The following SAMD12 variants were observed in gnomAD, a reference collection of about 807,000 sequenced individuals.
SAMD12 encodes sterile alpha motif domain containing 12.
SAMD12 carries 9 observed loss-of-function variants against 15.0 expected under a neutral mutation model. The observed-to-expected ratio is 0.60, with a 90% CI of 0.36 to 1.05. The LOEUF is 1.05. SAMD12 is among the 50% of genes least tolerant of loss of function. The pLI, the probability that SAMD12 is intolerant of heterozygous loss-of-function variation, is 0.01. For missense variants in SAMD12, 230 were observed against 234.2 expected, an observed-to-expected ratio of 0.98 and a Z score of 0.12; for synonymous variants, 86 against 90.1, an observed-to-expected ratio of 0.96 and a Z score of 0.25.
intron 4 of SAMD12, among the ~76,000 whole-genome samples, chr8:118,331,953 T>G (rs1256926637): frequency 2.0e-5 from 3 of 152,168 alleles, no homozygotes; most frequent in African/African-American, 7.2e-5. Flanking sequence ...ATTTTAAACA[T>G]GTATTAATAT....
intron 2 of SAMD12, among the ~76,000 whole-genome samples, chr8:118,545,759 T>C (rs1218360922): frequency 6.6e-6 from 1 of 152,148 alleles, no homozygotes. Context: ...TTCGGAAATG[T>C]TAAAAGGTTT....
chr8:118,510,733 C>T (rs1336300755), intron 2 of SAMD12, among the ~76,000 whole-genome samples: 1 of 152,152 alleles, frequency 6.6e-6, no homozygotes, highest in Non-Finnish European at 1.5e-5. Flanking sequence ...ATGCCCAGTA[C>T]CTCTCTACCC....
chr8:118,465,454 T>A (rs1042503888), intron 2 of SAMD12, among the ~76,000 whole-genome samples: 7 of 152,208 alleles, frequency 4.6e-5, no homozygotes, highest in Admixed American at 2.6e-4. Context: ...GTTCTCATTT[T>A]AAATCAATAA....
intron 4 of SAMD12, among the ~76,000 whole-genome samples, chr8:118,309,186 C>A (rs920486765): frequency 6.6e-6 from 1 of 152,166 alleles, no homozygotes; most frequent in African/African-American, 2.4e-5. Flanking sequence ...TTGTATTATT[C>A]TTCTGCCTTT....
intron 4 of SAMD12, among the ~76,000 whole-genome samples, chr8:118,219,879 G>A (rs902798601): frequency 1.3e-5 from 2 of 152,182 alleles, no homozygotes; most frequent in Non-Finnish European, 2.9e-5. Context: ...CTGCCCCAAC[G>A]TGCAACTCTC....
chr8:118,132,676 A>G, the SAMD12 span, among the ~76,000 whole-genome samples: 2 of 152,050 alleles, frequency 1.3e-5, no homozygotes, highest in Non-Finnish European at 2.9e-5. Flanking sequence ...AAGCCACAGC[A>G]ACACCTGCTG....
At chr8:118,293,868 C>T (rs771026295) in intron 4 of SAMD12, among the ~76,000 whole-genome samples, 6 of 152,120 alleles carry the variant, frequency 3.9e-5, no homozygotes, top group Non-Finnish European at 2.9e-5. Context: ...GGTTGGAATG[C>T]CAGTGGGAAA....
intron 3 of SAMD12, among the ~76,000 whole-genome samples, chr8:118,384,672 C>T (rs1401630835): frequency 6.6e-6 from 1 of 152,164 alleles, no homozygotes; most frequent in Non-Finnish European, 1.5e-5. Flanking sequence ...ATCCTGGTAG[C>T]ATTACTGCTA....
At position 118,469,539 on chromosome 8, in the gene SAMD12, A is replaced by AATATATAATATATATAATATATAT. The variant is rs1563879257; in HGVS notation, c.193-29579_193-29578insATATATATTATATATATTATATAT. On this transcript the variant is annotated intron_variant, in intron 2 of 3. Coordinates refer to ENST00000314727, the MANE Select transcript of SAMD12 (RefSeq NM_207506.3). ...ATAATATATATAATATATTATATAT[A>AATATATAATATATATAATATATAT]TTATATTATTATATATAATATATTA... Among the ~76,000 whole-genome samples, 4 of 2,678 alleles carry AATATATAATATATATAATATATAT rather than the reference A, an allele frequency of 1.5e-3. 1 individual carries two copies. The highest frequency in any genetic ancestry group is 2.9e-3 in the African/African-American group (4 of 1,364). The allele number at this position is 2,678 out of a possible 152,430, so 1.8% of individuals were successfully genotyped here.
At chr8:118,450,032 G>A (rs1823032033) in intron 2 of SAMD12, among the ~76,000 whole-genome samples, 1 of 152,162 alleles carries the variant, frequency 6.6e-6, no homozygotes, top group African/African-American at 2.4e-5. Flanking sequence ...GGACAGTCAT[G>A]TACAAGGTGT....
At chr8:118,262,908 G>A (rs1360833038) in intron 4 of SAMD12, among the ~76,000 whole-genome samples, 1 of 152,050 alleles carries the variant, frequency 6.6e-6, no homozygotes, top group Non-Finnish European at 1.5e-5. Context: ...TTTAACCCAA[G>A]ATTAGACATA....
At position 118,321,842 on chromosome 8, in the gene SAMD12, T is replaced by C. The variant is rs576826031; in HGVS notation, c.433+57718A>G. 6.5e-4 allele frequency among the ~76,000 whole-genome samples: 99 copies of C among 152,304 alleles called. No homozygotes were observed. In the South Asian group the frequency reaches 0.02, roughly 31 times the overall value. On this transcript the variant is annotated intron_variant, in intron 4 of 4. Transcript: ENST00000409003. Reference sequence around the variant, plus strand: ...CTTCTCTGTAAAATGAGGATGATAATAATAAGCCCTCTCACAGGTAATTGT... The same window carrying C: ...CTTCTCTGTAAAATGAGGATGATAACAATAAGCCCTCTCACAGGTAATTGT...
chr8:118,279,707 ATGAG>A (rs1813564047), intron 4 of SAMD12, among the ~76,000 whole-genome samples: 1 of 152,348 alleles, frequency 6.6e-6, no homozygotes, highest in Non-Finnish European at 1.5e-5. Flanking sequence ...ATAAGAGGAA[ATGAG>A]TGAGAAGTCT....
intron 4 of SAMD12, among the ~76,000 whole-genome samples, chr8:118,247,743 C>T (rs28365502): frequency 0.017 from 2,571 of 152,132 alleles, 141 homozygotes; most frequent in East Asian, 0.14. Flanking sequence ...CAGGCACGCA[C>T]CACCACTCCT....
At chr8:118,434,046 C>G (rs997355662) in intron 3 of SAMD12, among the ~76,000 whole-genome samples, 21 of 152,192 alleles carry the variant, frequency 1.4e-4, no homozygotes, top group African/African-American at 4.1e-4. Context: ...GTAGAACAGC[C>G]CAGAAAAATC....
chr8:118,415,448 G>GGGGTGTGTGTGTGTGTGTGTGTGTGT lies in SAMD12; in HGVS notation c.322+24383_322+24384insACACACACACACACACACACACACCC. Among the ~76,000 whole-genome samples the GGGGTGTGTGTGTGTGTGTGTGTGTGT allele has an allele frequency of 2.1e-5, 3 of 142,952 alleles. No individual in the cohort carries two copies. In the South Asian group the frequency reaches 7.3e-4, roughly 35 times the overall value. 93.8% of individuals were successfully genotyped at this position (142,952 alleles called of 152,430 possible). On this transcript the variant is annotated intron_variant, in intron 3 of 3. Transcript: ENST00000314727. ...AAGTAAATAAATAACCTTGTCCTAA[G>GGGGTGTGTGTGTGTGTGTGTGTGTGT]GTGTGTGTGTGTGTGTGTGTGTGTG...
exon 5 of SAMD12, chr8:118,192,290 G>A (rs1389047120): frequency 1.3e-5 from 2 of 152,160 alleles, no homozygotes; most frequent in Non-Finnish European, 1.5e-5. Context: ...ACTCAGTCTG[G>A]ACTTCTACAT....
chr8:118,474,544 CTA>C lies in SAMD12; in HGVS notation c.193-34585_193-34584del, dbSNP rs200178425. On this transcript the variant is annotated intron_variant, in intron 2 of 3. Coordinates refer to ENST00000314727, the MANE Select transcript of SAMD12 (RefSeq NM_207506.3). ...TACAGGCACCTGCCACCATGCCCAG[CTA>C]TTTTTTTTTTTTGTATTTTTAGTAG... 3.0e-3 allele frequency among the ~76,000 whole-genome samples: 442 copies of C among 148,284 alleles called. 4 individuals are homozygous for C. Among genetic ancestry groups the C allele is most frequent in the African/African-American group, 0.011 (419 of 38,326 alleles).
At chr8:118,562,759 G>A (rs145111118) in intron 2 of SAMD12, among the ~76,000 whole-genome samples, 1 of 152,194 alleles carries the variant, frequency 6.6e-6, no homozygotes, top group African/African-American at 2.4e-5. Flanking sequence ...AAGGAAGGAT[G>A]TTTTTAAAAT....
Sources: gnomAD v4.1 joint callset for allele counts (sites outside exome capture counted in the v4.1 genomes callset) on GRCh38, gnomAD v4.1.1 for gene constraint, MANE v1.5 for transcripts, NCBI Gene and HGNC (gene_info 2026-07-23, HGNC 2026-07-21) for gene names.